Variants in ARL2 observed in about 807,000 individuals in gnomAD.
ARL2 encodes the protein ARF like GTPase 2, also known as ADP-ribosylation factor-like protein 2.
ARL2 carries 11 observed loss-of-function variants against 22.0 expected under a neutral mutation model. That is an observed-to-expected ratio of 0.50 (90% CI 0.31 to 0.83). The LOEUF (loss-of-function observed/expected upper bound fraction) is 0.83. Ranked by LOEUF, ARL2 falls within the 40% of genes least tolerant of loss-of-function variation. The pLI is 0.04. For synonymous variants in ARL2, 111 were observed against 100.8 expected, an observed-to-expected ratio of 1.10 and a Z score of -0.61; for missense variants, 216 against 243.2, an observed-to-expected ratio of 0.89 and a Z score of 0.74.
At chr11:65,021,007 G>A (rs1946321590) in intron 4 of ARL2, among the ~76,000 whole-genome samples, 1 of 152,260 alleles carries the variant, frequency 6.6e-6, no homozygotes, top group Non-Finnish European at 1.5e-5. Flanking sequence ...CACAGCCTGG[G>A]GAAGGCAGAG....
intron 1 of ARL2, among the ~76,000 whole-genome samples, chr11:65,017,517 G>C (rs1198680496): frequency 3.3e-5 from 5 of 152,108 alleles, no homozygotes; most frequent in African/African-American, 4.8e-5. Context: ...TTTAAGGTGG[G>C]AGAAAGAACG....
chr11:65,015,315 C>T (rs995785696), intron 1 of ARL2, among the ~76,000 whole-genome samples: 14 of 152,194 alleles, frequency 9.2e-5, no homozygotes, highest in Non-Finnish European at 1.6e-4. Flanking sequence ...CGGGGTTTCA[C>T]CTTGTTGGTC....
chr11:65,016,255 C>T (rs1411974329), intron 1 of ARL2, among the ~76,000 whole-genome samples: 3 of 133,218 alleles, frequency 2.3e-5, no homozygotes, highest in African/African-American at 6.0e-5. Context: ...GAGGGTTGAA[C>T]CATATAGCAA....
intron 4 of ARL2, 200 bp from the exon 5 acceptor site, chr11:65,021,521 C>A (rs548445358): frequency 3.6e-6 from 2 of 560,774 alleles, no homozygotes; most frequent in Admixed American, 3.1e-5. Flanking sequence ...GCAGCACTGG[C>A]ATGGAACTGG....
In ARL2 at chr11:65,018,442, G is replaced by T; in HGVS notation, c.144G>T (p.Leu48=). ...ACATCGACACCATCTCCCCAACGCT[G>T]GGCTTCAACATCAAGACCCTGGAGC... ...GEDIDTISPT[L]GFNIKTLEHR... The change falls in exon 2 of 5, where the codon CTG becomes CTT. Residue 48 remains leucine (L), a synonymous_variant. Coordinates refer to ENST00000246747, the MANE Select transcript of ARL2 (RefSeq NM_001667.4). The surrounding 1 kb of genome is among the most constrained non-coding windows in gnomAD (Gnocchi z 4.2). The T allele has an allele frequency of 6.2e-7, 1 of 1,609,116 alleles. No homozygotes were observed. Among genetic ancestry groups the T allele is most frequent in the Non-Finnish European group, 8.5e-7 (1 of 1,178,010 alleles).
At position 65,020,434 on chromosome 11, in the gene ARL2, A is replaced by T; in HGVS notation, c.355A>T (p.Thr119Ser). ...TCTCCCCCAGCGCCTGGCCGGAGCA[A>T]CCCTCCTCATCTTTGCTAATAAGCA... ...LLVEERLAGATLLIFANKQDL... is the reference protein window; with the variant it reads ...LLVEERLAGASLLIFANKQDL... Residue 119 changes from threonine (T) to serine (S), a missense_variant, in exon 4 of 5, where the codon ACC (threonine) becomes TCC (serine). By Grantham distance (58) the Thr-to-Ser change is moderately conservative. Coordinates refer to ENST00000246747, the MANE Select transcript of ARL2 (RefSeq NM_001667.4). The T allele has an allele frequency of 6.2e-7, 1 of 1,612,754 alleles. No individual in the cohort carries two copies. Among genetic ancestry groups the T allele is most frequent in the Non-Finnish European group, 8.5e-7 (1 of 1,179,534 alleles).
Position 65,014,315 on chromosome 11 carries a change from G to A in ARL2, c.65+43G>A, listed in dbSNP as rs375243218. The stretch of plus-strand genomic sequence containing the variant: ...GGAACCGCGAGGGTGGCGGGGTCCA[G>A]CCGGGCAGGCGGTGCCGGGCGCCCC... On this transcript the variant is annotated intron_variant, in intron 1 of 4. Coordinates refer to ENST00000246747, the MANE Select transcript of ARL2 (RefSeq NM_001667.4). The A allele has an allele frequency of 3.3e-5, 50 of 1,500,016 alleles. No individual in the cohort carries two copies. In the East Asian group the frequency reaches 1.4e-3, roughly 42 times the overall value. 92.9% of individuals were successfully genotyped at this position (1,500,016 alleles called of 1,614,324 possible).
At position 65,020,412 on chromosome 11, in the gene ARL2, C is replaced by G; in HGVS notation, c.340-7C>G. 1.2e-6 allele frequency: 2 copies of G among 1,609,296 alleles called. No homozygotes were observed. The highest frequency in any genetic ancestry group is 1.1e-5 in the South Asian group (1 of 90,324). On this transcript the variant is annotated splice_polypyrimidine_tract_variant and splice_region_variant and intron_variant, in intron 3 of 4. Transcript: ENST00000246747. ...CCCACCCCACCCCTCTATCTTTTCT[C>G]CCCCAGCGCCTGGCCGGAGCAACCC... is the stretch of plus-strand genomic sequence containing the variant.
At position 65,014,213 on chromosome 11, in the gene ARL2, G is replaced by A. The variant is rs1237484673; in HGVS notation, c.6G>A (p.Gly2=). ...GGGAGGGGGCTCCGGGGACCATGGG[G>A]CTCCTGACCATTCTGAAGAAGATGA... The part of the protein sequence containing the change: M[G]LLTILKKMKQ... The change falls in exon 1 of 5, where the codon GGG becomes GGA. Residue 2 remains glycine (G), a synonymous_variant. Coordinates refer to ENST00000246747, the MANE Select transcript of ARL2 (RefSeq NM_001667.4). 4.4e-6 allele frequency: 7 copies of A among 1,573,200 alleles called. No homozygotes were observed. The highest frequency in any genetic ancestry group is 1.2e-5 in the South Asian group (1 of 86,374).
Position 65,021,762 on chromosome 11 carries a change from C to G in ARL2, c.462C>G (p.Ile154Met), listed in dbSNP as rs765325857. ...LDSIRSHHWCIQGCSAVTGEN... is the reference protein window; with the variant it reads ...LDSIRSHHWCMQGCSAVTGEN... ...CCATCCGCAGCCACCACTGGTGCAT[C>G]CAGGGCTGCAGCGCCGTCACCGGGG... The change falls in exon 5 of 5, where the codon ATC becomes ATG. Residue 154 changes from isoleucine to methionine, a missense_variant. Transcript: ENST00000246747. The G allele has an allele frequency of 6.2e-6, 10 of 1,612,064 alleles. No homozygotes were observed. The highest frequency in any genetic ancestry group is 7.6e-6 in the Non-Finnish European group (9 of 1,179,748).
chr11:65,019,541 CAA>C (rs539887867), intron 3 of ARL2: 5 of 139,280 alleles, frequency 3.6e-5, no homozygotes, highest in Non-Finnish European at 4.7e-5. Flanking sequence ...GACTCCGTCT[CAA>C]AAAAAAAAAA....
At chr11:65,016,906 C>T (rs932832256) in intron 1 of ARL2, among the ~76,000 whole-genome samples, 5 of 152,060 alleles carry the variant, frequency 3.3e-5, no homozygotes, top group Admixed American at 2.6e-4. Context: ...CCAAGGGCAG[C>T]GCATGTGCTG....
intron 4 of ARL2, 171 bp downstream of exon 4, chr11:65,020,670 A>T (rs1946317060): frequency 1.6e-6 from 1 of 606,346 alleles, no homozygotes. Context: ...GGAGTTCGAG[A>T]CCAGCCTGAC....
At chr11:65,014,999 G>A (rs1946232995) in intron 1 of ARL2, among the ~76,000 whole-genome samples, 1 of 152,364 alleles carries the variant, frequency 6.6e-6, no homozygotes, top group East Asian at 1.9e-4. Flanking sequence ...GAGTGCAGTG[G>A]CACAATCAAG....
At chr11:65,016,205 T>TA (rs55936282) in intron 1 of ARL2, among the ~76,000 whole-genome samples, 116,856 of 124,922 alleles carry the variant, frequency 0.94, 54,664 homozygotes, top group East Asian at 0.99. Context: ...GAAACTCTGT[T>TA]AAAAAAAAAA....
rs1465937689 is a variant in ARL2, at chr11:65,018,530, A to G, written c.177-41A>G. ...CAGAGCAGGGCAGGGAAGGTGGGAGAGGGGCCCAGCTGACCCTCCTGTCAC... is the reference window on the plus strand; with the variant it reads ...CAGAGCAGGGCAGGGAAGGTGGGAGGGGGGCCCAGCTGACCCTCCTGTCAC... On this transcript the variant is annotated intron_variant, in intron 2 of 4. Transcript: ENST00000246747. The surrounding 1 kb of genome is among the most constrained non-coding windows in gnomAD (Gnocchi z 4.2). 1.2e-6 allele frequency: 2 copies of G among 1,601,548 alleles called. No individual in the cohort carries two copies. The highest frequency in any genetic ancestry group is 1.7e-6 in the Non-Finnish European group (2 of 1,173,778).
At position 65,018,854 on chromosome 11, in the gene ARL2, C is replaced by T. The variant is rs1565183201; in HGVS notation, c.339+121C>T. 1 of 1,541,120 alleles carries T rather than the reference C, an allele frequency of 6.5e-7. No individual in the cohort carries two copies. Among genetic ancestry groups the T allele is most frequent in the Admixed American group, 2.0e-5 (1 of 51,276 alleles). On this transcript the variant is annotated intron_variant, in intron 3 of 4. Coordinates refer to ENST00000246747, the MANE Select transcript of ARL2 (RefSeq NM_001667.4). The surrounding 1 kb of genome is among the most constrained non-coding windows in gnomAD (Gnocchi z 4.2). Reference sequence around the variant, plus strand: ...GGCAGGATCCCTTCCTTCTCTGGGCCCCCACCATGGGAGGCCCATGGTGCC... The same window carrying T: ...GGCAGGATCCCTTCCTTCTCTGGGCTCCCACCATGGGAGGCCCATGGTGCC...
At chr11:65,015,380 CTG>C (rs1315385992) in intron 1 of ARL2, among the ~76,000 whole-genome samples, 2 of 152,174 alleles carry the variant, frequency 1.3e-5, no homozygotes, top group African/African-American at 4.8e-5. Flanking sequence ...GCCTCCCAAA[CTG>C]TTGGGATTAT....
intron 3 of ARL2, 94 bp from the exon 4 acceptor site, chr11:65,020,325 G>T: frequency 1.9e-6 from 2 of 1,076,918 alleles, no homozygotes; most frequent in Non-Finnish European, 2.8e-6. Context: ...GATCTTCCAG[G>T]TCGATCCTTC....
Sources: gnomAD v4.1 joint callset for allele counts (sites outside exome capture counted in the v4.1 genomes callset) on GRCh38, gnomAD v4.1.1 for gene constraint, Gnocchi (gnomAD v3.1) non-coding constraint, MANE v1.5 for transcripts, NCBI Gene and HGNC (gene_info 2026-07-23, HGNC 2026-07-21) for gene names.